The following PCDHGB3 variants were observed in gnomAD, a reference collection of about 807,000 sequenced individuals.
The protein encoded by PCDHGB3 is protocadherin gamma subfamily B, 3, also known as protocadherin gamma-B3.
A neutral mutation model predicts 59.2 loss-of-function variants in PCDHGB3; 40 were observed. The observed-to-expected ratio is 0.68, with a 90% CI of 0.52 to 0.88. The LOEUF (loss-of-function observed/expected upper bound fraction) is 0.88. Among genes scored for constraint, PCDHGB3 ranks in the 40% least tolerant of loss-of-function variants. PCDHGB3 has a pLI of 0.00. For missense variants in PCDHGB3, 1,309 were observed against 1,187.9 expected, an observed-to-expected ratio of 1.10 and a Z score of -1.50; for synonymous variants, 581 against 503.6, an observed-to-expected ratio of 1.15 and a Z score of -2.06.
intron 1 of PCDHGB3, chr5:141,413,689 C>A: frequency 1.2e-6 from 2 of 1,613,800 alleles, no homozygotes; most frequent in Non-Finnish European, 1.7e-6. Flanking sequence ...GAACTCCCTG[C>A]AGAGCTATCA....
intron 2 of PCDHGB3, 69 bp from the exon 3 acceptor site, chr5:141,505,324 G>T: frequency 6.2e-7 from 1 of 1,607,102 alleles, no homozygotes; most frequent in African/African-American, 1.3e-5. Context: ...GGAGCCCTGG[G>T]AGAGGACAGG....
chr5:141,379,805 G>T (rs183993206), intron 1 of PCDHGB3, among the ~76,000 whole-genome samples: 71 of 149,374 alleles, frequency 4.8e-4, no homozygotes, highest in African/African-American at 1.7e-3. Flanking sequence ...GAGGTTTTGA[G>T]AGTTCAGTAT....
At position 141,477,592 on chromosome 5, in the gene PCDHGB3, T is replaced by G; in HGVS notation, c.2416-17215T>G. On this transcript the variant is annotated intron_variant, in intron 1 of 3. Coordinates refer to ENST00000576222, the MANE Select transcript of PCDHGB3 (RefSeq NM_018924.5). The surrounding 1 kb of genome is among the most constrained non-coding windows in gnomAD (Gnocchi z 4.9). ...CCGACGCCCCGCAGAATGCTCGGCT[T>G]TCTTTCTTTCTCTTGGAGCAAGGAG... The G allele has an allele frequency of 6.2e-7, 1 of 1,614,142 alleles. No homozygotes were observed. Among genetic ancestry groups the G allele is most frequent in the Non-Finnish European group, 8.5e-7 (1 of 1,180,014 alleles).
Position 141,491,611 on chromosome 5 carries a change from A to G in PCDHGB3, c.2416-3196A>G. The G allele has an allele frequency of 6.2e-7, 1 of 1,613,866 alleles. No individual in the cohort carries two copies. The highest frequency in any genetic ancestry group is 8.5e-7 in the Non-Finnish European group (1 of 1,180,018). Reference sequence around the variant, plus strand: ...GGACGGCAGTGACTTCACTTTTCTAAGACCCCTCAGCGTTCAGCAGCCCAC... The same window carrying G: ...GGACGGCAGTGACTTCACTTTTCTAGGACCCCTCAGCGTTCAGCAGCCCAC... On this transcript the variant is annotated intron_variant, in intron 1 of 3. Transcript: ENST00000576222. This position sits in a 1 kb window ranked among gnomAD's most constrained non-coding sequence, Gnocchi z 6.9.
In PCDHGB3 at chr5:141,510,989, C is replaced by A. The variant is rs2099883548; in HGVS notation, c.2606C>A (p.Thr869Asn). The A allele has an allele frequency of 1.2e-6, 2 of 1,614,198 alleles. No homozygotes were observed. The highest frequency in any genetic ancestry group is 1.7e-6 in the Non-Finnish European group (2 of 1,180,022). ...TCCACCCTGGGAGGGGGTGCCGGCA[C>A]CATGGGATTGAGCGCCCGCTACGGA... is the stretch of plus-strand genomic sequence containing the variant. ...GSSTLGGGAG[T>N]MGLSARYGPQ... Residue 869 changes from threonine to asparagine, a missense_variant, in exon 4 of 4, where the codon ACC becomes AAC. Thr to Asn is a moderately conservative substitution (Grantham distance 65, BLOSUM62 0). Transcript: ENST00000576222.
intron 1 of PCDHGB3, chr5:141,393,077 C>T (rs2150506328): frequency 6.2e-7 from 1 of 1,613,710 alleles, no homozygotes; most frequent in Non-Finnish European, 8.5e-7. Flanking sequence ...TCACCGCGGG[C>T]AGGATAGATC....
chr5:141,419,117 G>T (rs1362880648), intron 1 of PCDHGB3: 1 of 1,613,718 alleles, frequency 6.2e-7, no homozygotes, highest in African/African-American at 1.3e-5. Context: ...AGAGTACAAC[G>T]TCACCATCGC....
chr5:141,453,022 T>C (rs1222692572), intron 1 of PCDHGB3, among the ~76,000 whole-genome samples: 1 of 152,230 alleles, frequency 6.6e-6, no homozygotes, highest in Non-Finnish European at 1.5e-5. Flanking sequence ...ATGTGATTCA[T>C]TAAAATAAAG....
At position 141,405,406 on chromosome 5, in the gene PCDHGB3, T is replaced by C. The variant is rs750140674; in HGVS notation, c.2415+32597T>C. On this transcript the variant is annotated intron_variant, in intron 1 of 3. Coordinates refer to ENST00000576222, the MANE Select transcript of PCDHGB3 (RefSeq NM_018924.5). ...GTTCATTTTTTTTCTTTCTTTCTTTTCTTTTTTTGTTTTTTGTTTTGTTTT... is the reference window on the plus strand; with the variant it reads ...GTTCATTTTTTTTCTTTCTTTCTTTCCTTTTTTTGTTTTTTGTTTTGTTTT... 1.2e-5 allele frequency: 19 copies of C among 1,584,070 alleles called. No individual in the cohort carries two copies. The Admixed American group carries it at 1.2e-4, about 10-fold the overall frequency.
At chr5:141,426,096 T>C (rs1296875718) in intron 1 of PCDHGB3, among the ~76,000 whole-genome samples, 6 of 152,230 alleles carry the variant, frequency 3.9e-5, no homozygotes, top group Non-Finnish European at 8.8e-5. Flanking sequence ...GATATTCTGT[T>C]CAGTCACAGA....
intron 1 of PCDHGB3, chr5:141,405,271 C>T: frequency 3.1e-6 from 5 of 1,614,094 alleles, no homozygotes; most frequent in Non-Finnish European, 4.2e-6. Flanking sequence ...TCCCCCAGCC[C>T]AACTATGCAG....
intron 1 of PCDHGB3, chr5:141,375,893 C>G (rs1156930577): frequency 5.0e-6 from 8 of 1,613,804 alleles, no homozygotes; most frequent in Non-Finnish European, 5.1e-6. Flanking sequence ...GAACGCCTGG[C>G]TGTCCTACCG....
rs781289120 is a variant in PCDHGB3 at position 141,431,571 on chromosome 5, A to G, written c.2415+58762A>G. ...GTAGTCAACGCTACCGACCCTGACG[A>G]AGGAGTCAATGCGGAAGTGAGGTAT... is the stretch of plus-strand genomic sequence containing the variant. On this transcript the variant is annotated intron_variant, in intron 1 of 3. Transcript: ENST00000576222. The surrounding 1 kb of genome is among the most constrained non-coding windows in gnomAD (Gnocchi z 4.8). 6.2e-7 allele frequency: 1 copy of G among 1,614,144 alleles called. No homozygotes were observed. The highest frequency in any genetic ancestry group is 2.2e-5 in the East Asian group (1 of 44,882).
In PCDHGB3 at chr5:141,405,105, A is replaced by T. The variant is rs1239308721; in HGVS notation, c.2415+32296A>T. The T allele has an allele frequency of 5.6e-6, 9 of 1,613,756 alleles. No individual in the cohort carries two copies. In the Admixed American group the frequency reaches 1.5e-4, roughly 27 times the overall value. Reference sequence around the variant, plus strand: ...ACGCTGCTGGCCCTCAGGCTGAGGCACTGGCACTCCTCGCATCTGCTGCGG... The same window carrying T: ...ACGCTGCTGGCCCTCAGGCTGAGGCTCTGGCACTCCTCGCATCTGCTGCGG... On this transcript the variant is annotated intron_variant, in intron 1 of 3. Coordinates refer to ENST00000576222, the MANE Select transcript of PCDHGB3 (RefSeq NM_018924.5).
In PCDHGB3 at chr5:141,372,194, C is replaced by A; in HGVS notation, c.1800C>A (p.Tyr600Ter). 6.2e-7 allele frequency: 1 copy of A among 1,613,570 alleles called. No individual in the cohort carries two copies. The highest frequency in any genetic ancestry group is 8.5e-7 in the Non-Finnish European group (1 of 1,179,908). ...KVVAVDADSGYNAWLSYHIVQ... is the reference protein window; with the variant it reads ...KVVAVDADSG ...TGGCGGTGGACGCAGACTCGGGATA[C>A]AACGCCTGGCTGTCCTACCACATTG... is the stretch of plus-strand genomic sequence containing the variant. Residue 600 changes from tyrosine (Y) to a stop codon, truncating the protein, a stop_gained, in exon 1 of 4, where the codon TAC becomes TAA. Coordinates refer to ENST00000576222, the MANE Select transcript of PCDHGB3 (RefSeq NM_018924.5). LOFTEE classifies it high-confidence loss of function.
intron 2 of PCDHGB3, among the ~76,000 whole-genome samples, chr5:141,504,563 C>G (rs1036149640): frequency 3.3e-5 from 5 of 149,436 alleles, no homozygotes; most frequent in African/African-American, 1.2e-4. Context: ...GACTGGCATT[C>G]TAGGGAACAC....
At chr5:141,400,740 G>T in intron 1 of PCDHGB3, 1 of 616,766 alleles carries the variant, frequency 1.6e-6, no homozygotes, top group Non-Finnish European at 2.8e-6. Context: ...GTGAGAGTTT[G>T]CTCTTAGCTT....
chr5:141,370,791 T>C lies in PCDHGB3; in HGVS notation c.397T>C (p.Phe133Leu), dbSNP rs1354354873. ...GGATATTAACGACAACCCACCGACC[T>C]TTAGCCAAAATATCACTGAGCTGGA... ...IQDINDNPPT[F>L]SQNITELEIS... Residue 133 changes from phenylalanine (F) to leucine (L), a missense_variant, in exon 1 of 4, where the codon TTT (phenylalanine) becomes CTT (leucine). Physicochemically the swap from Phe to Leu is conservative, Grantham distance 22. Coordinates refer to ENST00000576222, the MANE Select transcript of PCDHGB3 (RefSeq NM_018924.5). 1.2e-6 allele frequency: 2 copies of C among 1,614,022 alleles called. No individual in the cohort carries two copies. The highest frequency in any genetic ancestry group is 1.7e-6 in the Non-Finnish European group (2 of 1,179,894).
chr5:141,463,184 T>A (rs62379194), intron 1 of PCDHGB3, among the ~76,000 whole-genome samples: 5,135 of 152,236 alleles, frequency 0.034, 100 homozygotes, highest in Middle Eastern at 0.088. Context: ...CTCAGATTAT[T>A]ATTTAGCCAA....
Sources: allele counts gnomAD v4.1 joint callset (sites outside exome capture counted in the v4.1 genomes callset), GRCh38; gene constraint gnomAD v4.1.1; non-coding constraint Gnocchi (gnomAD v3.1); transcripts MANE v1.5; gene names NCBI Gene and HGNC (gene_info 2026-07-23, HGNC 2026-07-21).